The following EYS variants were observed in gnomAD, a reference collection of about 807,000 sequenced individuals.
EYS encodes the protein protein eyes shut homolog.
In EYS, 250 loss-of-function variants were observed where a neutral mutation model predicts 282.1. The ratio of observed to expected loss-of-function variants is 0.89; its 90% CI spans 0.80 to 0.98. The LOEUF (loss-of-function observed/expected upper bound fraction) is 0.98, where lower values mean the gene tolerates loss of function less well. Among genes scored for constraint, EYS ranks in the 50% least tolerant of loss-of-function variants. The probability of loss-of-function intolerance (pLI) is 0.00; values close to 1 mark genes in which losing one functional copy is unlikely to be tolerated. For synonymous variants in EYS, 1,355 were observed against 1,282.9 expected (o/e 1.06, Z -1.20); for missense variants, 4,016 against 3,709.0 (o/e 1.08, Z -2.15).
At chr6:65,431,329 G>T (rs530907862) in intron 5 of EYS, among the ~76,000 whole-genome samples, 1 of 152,140 alleles carries the variant, frequency 6.6e-6, no homozygotes, top group African/African-American at 2.4e-5. Context: ...TGCCCTTTGT[G>T]TCAGTGTCTC....
At chr6:65,412,738 T>C (rs189410928) in intron 5 of EYS, among the ~76,000 whole-genome samples, 50 of 152,286 alleles carry the variant, frequency 3.3e-4, no homozygotes, top group Middle Eastern at 3.4e-3. Flanking sequence ...ATATGAGTCC[T>C]TTGTCATATA....
chr6:64,637,798 G>C (rs149677656), intron 22 of EYS, among the ~76,000 whole-genome samples: 1,363 of 89,380 alleles, frequency 0.015, 495 homozygotes, highest in African/African-American at 0.055. Context: ...GGTGGATGCT[G>C]GTCTTAATAC....
chr6:65,309,686 T>A (rs1769103805), intron 11 of EYS, among the ~76,000 whole-genome samples: 1 of 152,148 alleles, frequency 6.6e-6, no homozygotes, highest in African/African-American at 2.4e-5. Flanking sequence ...TGGGAATGTG[T>A]TTTAATTTTA....
chr6:65,591,308 C>CAG (rs571501075), intron 2 of EYS, among the ~76,000 whole-genome samples: 2,741 of 151,898 alleles, frequency 0.018, 88 homozygotes, highest in African/African-American at 0.063. Context: ...AATCAATCCT[C>CAG]CCCCCTCAGC....
At chr6:64,210,546 T>C (rs1765732556) in intron 31 of EYS, among the ~76,000 whole-genome samples, 1 of 152,146 alleles carries the variant, frequency 6.6e-6, no homozygotes, top group African/African-American at 2.4e-5. Context: ...TAATGCCCTA[T>C]CTCCAAATAT....
intron 36 of EYS, among the ~76,000 whole-genome samples, chr6:63,843,390 T>A (rs1202990866): frequency 6.6e-6 from 1 of 152,210 alleles, no homozygotes; most frequent in African/African-American, 2.4e-5. Context: ...AGTTCACTCA[T>A]GATTTGGCTG....
At chr6:63,939,678 C>T (rs1485663121) in intron 35 of EYS, among the ~76,000 whole-genome samples, 2 of 151,522 alleles carry the variant, frequency 1.3e-5, no homozygotes, top group Non-Finnish European at 2.9e-5. Flanking sequence ...TTTGAAAAAA[C>T]TCACAAACCA....
intron 12 of EYS, among the ~76,000 whole-genome samples, chr6:65,148,105 C>T (rs1300194689): frequency 6.6e-6 from 1 of 152,024 alleles, no homozygotes; most frequent in African/African-American, 2.4e-5. Flanking sequence ...CCAGCCCATC[C>T]CAAATCTCAT....
At chr6:64,867,704 C>T (rs985989517) in intron 19 of EYS, among the ~76,000 whole-genome samples, 11 of 151,746 alleles carry the variant, frequency 7.2e-5, no homozygotes, top group Admixed American at 3.3e-4. Flanking sequence ...CTGTTTTTAT[C>T]TCTGAATTTT....
At chr6:63,993,201 C>T (rs886849351) in intron 34 of EYS, among the ~76,000 whole-genome samples, 1 of 151,644 alleles carries the variant, frequency 6.6e-6, no homozygotes, top group African/African-American at 2.4e-5. Flanking sequence ...GAATACATAT[C>T]ATACTCAATG....
At chr6:64,191,712 T>G in intron 31 of EYS, among the ~76,000 whole-genome samples, 1 of 152,208 alleles carries the variant, frequency 6.6e-6, no homozygotes, top group African/African-American at 2.4e-5. Flanking sequence ...CCACATTTTC[T>G]TAATCCAGTC....
chr6:64,952,037 A>C (rs1011482994), intron 14 of EYS, among the ~76,000 whole-genome samples: 2 of 151,946 alleles, frequency 1.3e-5, no homozygotes, highest in Non-Finnish European at 2.9e-5. Context: ...CTGAAAATGA[A>C]AGACAAGGAG....
intron 22 of EYS, among the ~76,000 whole-genome samples, 153 bp downstream of exon 22, chr6:64,813,225 G>T (rs773824645): frequency 6.6e-6 from 1 of 151,994 alleles, no homozygotes; most frequent in Non-Finnish European, 1.5e-5. Context: ...ATGACATTTT[G>T]TAATTGTTAT....
chr6:64,000,176 T>TCAG (rs1768020019), intron 33 of EYS, among the ~76,000 whole-genome samples: 3 of 40,432 alleles, frequency 7.4e-5, no homozygotes, highest in Non-Finnish European at 1.5e-4. Context: ...GACTTTTTTT[T>TCAG]TTTTTTTTTT....
At chr6:63,907,589 T>C (rs976717110) in intron 35 of EYS, among the ~76,000 whole-genome samples, 5 of 152,188 alleles carry the variant, frequency 3.3e-5, no homozygotes, top group Non-Finnish European at 7.3e-5. Context: ...AACTATCTCC[T>C]CTTAGCATAA....
At chr6:65,354,430 G>A (rs531454423) in intron 8 of EYS, among the ~76,000 whole-genome samples, 1 of 151,998 alleles carries the variant, frequency 6.6e-6, no homozygotes, top group South Asian at 2.1e-4. Context: ...GCATTGTTCT[G>A]TTTCAAGTCA....
At chr6:64,978,231 T>A (rs1770535981) in intron 14 of EYS, among the ~76,000 whole-genome samples, 1 of 151,870 alleles carries the variant, frequency 6.6e-6, no homozygotes, top group African/African-American at 2.4e-5. Context: ...TGACTTGAAG[T>A]TGAAGCCAGT....
intron 12 of EYS, among the ~76,000 whole-genome samples, chr6:65,069,691 C>T (rs1384771973): frequency 6.6e-6 from 1 of 152,008 alleles, no homozygotes; most frequent in East Asian, 1.9e-4. Context: ...TGTATACATA[C>T]CTGAGTAAAC....
chr6:63,834,506 C>T (rs570881216), intron 36 of EYS, among the ~76,000 whole-genome samples: 154 of 152,058 alleles, frequency 1.0e-3, no homozygotes, highest in Non-Finnish European at 1.7e-3. Context: ...CAATGAGATA[C>T]CATCTCACAC....
Sources: gnomAD v4.1 joint callset for allele counts (sites outside exome capture counted in the v4.1 genomes callset) on GRCh38, gnomAD v4.1.1 for gene constraint, MANE v1.5 for transcripts, NCBI Gene and HGNC (gene_info 2026-07-23, HGNC 2026-07-21) for gene names.